Variants in MFHAS1 observed in about 807,000 individuals in gnomAD.
MFHAS1 encodes the protein multifunctional ROCO family signaling regulator 1, also known as malignant fibrous histiocytoma-amplified sequence 1.
Under a neutral mutation model 70.4 loss-of-function variants are expected in MFHAS1, and 50 were observed. That is an observed-to-expected ratio of 0.71 (90% CI 0.57 to 0.90). The LOEUF (loss-of-function observed/expected upper bound fraction) is 0.90. MFHAS1 is among the 40% of genes least tolerant of loss of function. The pLI, the probability that MFHAS1 is intolerant of heterozygous loss-of-function variation, is 0.00. For missense variants in MFHAS1, 1,795 were observed against 1,347.6 expected (o/e 1.33, Z -5.20); for synonymous variants, 952 against 620.0 (o/e 1.54, Z -7.96).
intron 1 of MFHAS1, among the ~76,000 whole-genome samples, chr8:8,825,763 T>C (rs1179620391): frequency 1.3e-5 from 2 of 152,168 alleles, no homozygotes; most frequent in African/African-American, 4.8e-5. Context: ...GATTTCCAAA[T>C]ATGAATTTTA....
In MFHAS1 at chr8:8,890,754, G is replaced by C; in HGVS notation, c.2305C>G (p.Pro769Ala). The change falls in exon 1 of 3, where the codon CCC (proline) becomes GCC (alanine). Residue 769 changes from proline (P) to alanine (A), a missense_variant. By Grantham distance (27) the Pro-to-Ala change is conservative. Transcript: ENST00000276282. ...TGGCTGGGGGTGGACCGCGCCATGG[G>C]CGGGGAGCTTTCCCCCTCCGCCTTG... The part of the protein sequence containing the change: ...EGKAEGESSP[P>A]MARSTPSQEL... 1 of 1,613,886 alleles carries C rather than the reference G, an allele frequency of 6.2e-7. No individual in the cohort carries two copies. The highest frequency in any genetic ancestry group is 8.5e-7 in the Non-Finnish European group (1 of 1,179,894).
rs117738284 is a variant in MFHAS1, at chr8:8,843,745, A to C, written c.2999-46254T>G. 4.0e-3 allele frequency among the ~76,000 whole-genome samples: 609 copies of C among 152,322 alleles called. 1 individual carries two copies. The highest frequency in any genetic ancestry group is 6.5e-3 in the Non-Finnish European group (440 of 68,032). ...CATTTCTCCCCACACGTCACCCTGC[A>C]CCTGCTCCCATAAACATCAGCGAAC... On this transcript the variant is annotated intron_variant, in intron 1 of 2. Coordinates refer to ENST00000276282, the MANE Select transcript of MFHAS1 (RefSeq NM_004225.3).
chr8:8,785,522 C>G lies in MFHAS1; in HGVS notation c.*500G>C, dbSNP rs1180405193. The G allele has an allele frequency of 1.3e-5, 2 of 154,006 alleles. No individual in the cohort carries two copies. The highest frequency in any genetic ancestry group is 2.9e-5 in the Non-Finnish European group (2 of 68,960). The allele number at this position is 154,006 out of a possible 1,614,324, so 9.5% of individuals were successfully genotyped here. Reference sequence around the variant, plus strand: ...ACCCAGTGTGAACTAACGCTAGAAGCTTCAAACTGTATAAATTTAAATGTA... The same window carrying G: ...ACCCAGTGTGAACTAACGCTAGAAGGTTCAAACTGTATAAATTTAAATGTA... On this transcript the variant is annotated 3_prime_UTR_variant, in exon 3 of 3. Coordinates refer to ENST00000276282, the MANE Select transcript of MFHAS1 (RefSeq NM_004225.3).
chr8:8,893,055 C>A lies in MFHAS1; in HGVS notation c.4G>T (p.Ala2Ser), dbSNP rs1670578669. The change falls in exon 1 of 3, where the codon GCT (alanine) becomes TCT (serine). Residue 2 changes from alanine to serine, a missense_variant. Physicochemically the swap from Ala to Ser is moderately conservative, Grantham distance 99. Coordinates refer to ENST00000276282, the MANE Select transcript of MFHAS1 (RefSeq NM_004225.3). M[A>S]GMDSGNLKTA... is the part of the protein sequence containing the mutation. Reference sequence around the variant, plus strand: ...TTCAGGTTGCCACTGTCCATCCCAGCCATGGCGGGGCCCCGGGCCGACAGC... The same window carrying A: ...TTCAGGTTGCCACTGTCCATCCCAGACATGGCGGGGCCCCGGGCCGACAGC... 1.3e-6 allele frequency: 2 copies of A among 1,495,740 alleles called. No homozygotes were observed. Among genetic ancestry groups the A allele is most frequent in the East Asian group, 5.6e-5 (2 of 35,426 alleles). 92.7% of individuals were successfully genotyped at this position (1,495,740 alleles called of 1,614,324 possible).
At chr8:8,804,188 C>T (rs980613395) in intron 1 of MFHAS1, among the ~76,000 whole-genome samples, 14 of 152,074 alleles carry the variant, frequency 9.2e-5, no homozygotes, top group South Asian at 8.3e-4. Flanking sequence ...ATGGTTCCAA[C>T]GACAGCTACA....
chr8:8,787,808 G>C (rs976054527), intron 2 of MFHAS1, among the ~76,000 whole-genome samples: 1 of 152,140 alleles, frequency 6.6e-6, no homozygotes, highest in African/African-American at 2.4e-5. Flanking sequence ...TGCTCCCCGG[G>C]CTACACGTAA....
intron 1 of MFHAS1, among the ~76,000 whole-genome samples, chr8:8,838,571 G>C (rs1377312572): frequency 6.6e-6 from 1 of 152,156 alleles, no homozygotes; most frequent in African/African-American, 2.4e-5. Flanking sequence ...CCAGCACTTT[G>C]GGAGGCAGAG....
At chr8:8,849,980 C>A (rs1017642447) in intron 1 of MFHAS1, among the ~76,000 whole-genome samples, 3 of 152,224 alleles carry the variant, frequency 2.0e-5, no homozygotes, top group African/African-American at 4.8e-5. Flanking sequence ...TTCAGGAAAG[C>A]AAAGGAATTT....
Position 8,785,488 on chromosome 8 carries a change from G to A in MFHAS1, c.*534C>T, listed in dbSNP as rs1056666159. On this transcript the variant is annotated 3_prime_UTR_variant, in exon 3 of 3. Coordinates refer to ENST00000276282, the MANE Select transcript of MFHAS1 (RefSeq NM_004225.3). ...CCCATCTTGGCACAGTTCTCATGCA[G>A]AATATTGCACCCAGTGTGAACTAAC... is the stretch of plus-strand genomic sequence containing the variant. 1 of 152,626 alleles carries A rather than the reference G, an allele frequency of 6.6e-6. No homozygotes were observed. The highest frequency in any genetic ancestry group is 2.1e-4 in the South Asian group (1 of 4,836). The allele number at this position is 152,626 out of a possible 1,614,324, so 9.5% of individuals were successfully genotyped here. A position where few individuals can be genotyped will look rare whatever the true frequency, so the allele number is the denominator to read the frequency against.
At chr8:8,786,534 T>C (rs1180129871) in intron 2 of MFHAS1, among the ~76,000 whole-genome samples, 2 of 152,338 alleles carry the variant, frequency 1.3e-5, no homozygotes, top group South Asian at 4.1e-4. Context: ...ATAAGTTAAG[T>C]TGTCCACGCA....
intron 1 of MFHAS1, among the ~76,000 whole-genome samples, chr8:8,879,564 C>T (rs1428444725): frequency 2.6e-5 from 4 of 152,202 alleles, no homozygotes; most frequent in African/African-American, 7.2e-5. Flanking sequence ...CCTACTCATA[C>T]ATCTGAAGGA....
intron 1 of MFHAS1, among the ~76,000 whole-genome samples, chr8:8,835,382 T>C (rs532554014): frequency 3.4e-4 from 52 of 152,322 alleles, no homozygotes; most frequent in African/African-American, 1.3e-3. Flanking sequence ...GTCTTGAGCA[T>C]CTTTCTAGAT....
chr8:8,860,536 A>C (rs552132416), intron 1 of MFHAS1, among the ~76,000 whole-genome samples: 6 of 152,280 alleles, frequency 3.9e-5, no homozygotes, highest in Admixed American at 2.0e-4. Context: ...ATTCTCTAGA[A>C]TGTGTCTTCA....
Position 8,891,317 on chromosome 8 carries a change from G to T in MFHAS1, c.1742C>A (p.Ala581Asp), listed in dbSNP as rs754245309. ...RLAKVVDEAL[A>D]RDFELRSASP... ...GGCAGAGCGCAGCTCGAAGTCCCGG[G>T]CCAGTGCCTCGTCCACCACCTTGGC... is the stretch of plus-strand genomic sequence containing the variant. Residue 581 changes from alanine (A) to aspartate (D), a missense_variant, in exon 1 of 3, where the codon GCC becomes GAC. Ala to Asp is a moderately radical substitution (Grantham distance 126, BLOSUM62 -2). Coordinates refer to ENST00000276282, the MANE Select transcript of MFHAS1 (RefSeq NM_004225.3). This position sits in a 1 kb window ranked among gnomAD's most constrained non-coding sequence, Gnocchi z 5.4. 4 of 1,611,230 alleles carry T rather than the reference G, an allele frequency of 2.5e-6. No homozygotes were observed. The highest frequency in any genetic ancestry group is 3.4e-6 in the Non-Finnish European group (4 of 1,180,032).
chr8:8,878,148 C>T (rs1160204019), intron 1 of MFHAS1, among the ~76,000 whole-genome samples: 2 of 152,158 alleles, frequency 1.3e-5, no homozygotes, highest in African/African-American at 4.8e-5. Flanking sequence ...CTGACCTCTG[C>T]ACGGGCAGCT....
chr8:8,841,566 G>C (rs1406644498), intron 1 of MFHAS1, among the ~76,000 whole-genome samples: 3 of 152,138 alleles, frequency 2.0e-5, no homozygotes, highest in East Asian at 3.8e-4. Flanking sequence ...CTGAATGTAA[G>C]AGGCCTTGTG....
chr8:8,787,452 G>C (rs762913247), intron 2 of MFHAS1, among the ~76,000 whole-genome samples: 3 of 152,166 alleles, frequency 2.0e-5, no homozygotes, highest in Non-Finnish European at 2.9e-5. Context: ...ATACTAGCGA[G>C]TGACAGAGCC....
At chr8:8,789,709 G>A (rs1805664435) in intron 2 of MFHAS1, among the ~76,000 whole-genome samples, 1 of 152,090 alleles carries the variant, frequency 6.6e-6, no homozygotes, top group Non-Finnish European at 1.5e-5. Context: ...CCTAGAGATG[G>A]TAAAACAATT....
intron 1 of MFHAS1, among the ~76,000 whole-genome samples, chr8:8,817,617 C>T (rs1222347401): frequency 6.6e-6 from 1 of 152,240 alleles, no homozygotes; most frequent in Non-Finnish European, 1.5e-5. Flanking sequence ...CCCTCCTGTT[C>T]TCCTTGCTGT....
Sources: gnomAD v4.1 joint callset for allele counts (sites outside exome capture counted in the v4.1 genomes callset) on GRCh38, gnomAD v4.1.1 for gene constraint, Gnocchi (gnomAD v3.1) non-coding constraint, MANE v1.5 for transcripts, NCBI Gene and HGNC (gene_info 2026-07-23, HGNC 2026-07-21) for gene names.